Variants in KIF19 observed in about 807,000 individuals in gnomAD.
KIF19 encodes kinesin family member 19, also known as kinesin-like protein KIF19.
A neutral mutation model predicts 106.6 loss-of-function variants in KIF19; 98 were observed. The observed-to-expected ratio is 0.92, with a 90% confidence interval of 0.78 to 1.09. KIF19 has a LOEUF of 1.09. Among genes scored for constraint, KIF19 ranks in the 50% least tolerant of loss-of-function variants. The probability of loss-of-function intolerance (pLI) is 0.00; values close to 1 mark genes in which losing one functional copy is unlikely to be tolerated. For missense variants in KIF19, 1,373 were observed against 1,414.3 expected (o/e 0.97, Z 0.47); for synonymous variants, 516 against 584.2 (o/e 0.88, Z 1.68).
intron 6 of KIF19, 99 bp downstream of exon 6, chr17:74,344,447 G>C: frequency 2.0e-6 from 3 of 1,511,432 alleles, no homozygotes; most frequent in Non-Finnish European, 2.7e-6. Flanking sequence ...CTCCCCACTC[G>C]GCTGAGGCTG....
In KIF19 at chr17:74,354,477, G is replaced by C; in HGVS notation, c.2624G>C (p.Ser875Thr). The change falls in exon 18 of 20, where the codon AGC becomes ACC. Residue 875 changes from serine (S) to threonine (T), a missense_variant. Transcript: ENST00000389916. ...CCCTGGCTGCGTGGCCAGAAGAAAA[G>C]CCTGGGCAAGAAAAGGGAGGAGTCG... Reference protein sequence around the residue: ...PRPWLRGQKKSLGKKREESLE... With the variant: ...PRPWLRGQKKTLGKKREESLE... The C allele has an allele frequency of 6.2e-7, 1 of 1,608,494 alleles. No homozygotes were observed. Among genetic ancestry groups the C allele is most frequent in the Non-Finnish European group, 8.5e-7 (1 of 1,177,994 alleles).
At position 74,355,539 on chromosome 17, in the gene KIF19, G is replaced by A. The variant is rs998332507; in HGVS notation, c.*227G>A. The A allele has an allele frequency of 5.9e-6, 3 of 511,242 alleles. No homozygotes were observed. The highest frequency in any genetic ancestry group is 1.9e-5 in the African/African-American group (1 of 51,818). 31.7% of individuals were successfully genotyped at this position (511,242 alleles called of 1,614,324 possible). A position where few individuals can be genotyped will look rare whatever the true frequency, so the allele number is the denominator to read the frequency against. On this transcript the variant is annotated 3_prime_UTR_variant, in exon 20 of 20. Coordinates refer to ENST00000389916, the MANE Select transcript of KIF19 (RefSeq NM_153209.4). ...CCAGGGGACATGGCCAGGACGGCTG[G>A]GCTCCCTGGCTTCCCAGCCCTGGAC...
At chr17:74,328,843 T>G in intron 2 of KIF19, 1 of 190,678 alleles carries the variant, frequency 5.2e-6, no homozygotes, top group Non-Finnish European at 1.1e-5. Flanking sequence ...AGCTCGCCTC[T>G]AGGGTGTAAC....
chr17:74,334,380 C>A (rs1401589773), intron 2 of KIF19, among the ~76,000 whole-genome samples: 2 of 152,152 alleles, frequency 1.3e-5, no homozygotes, highest in African/African-American at 2.4e-5. Context: ...TGAGAATCTG[C>A]ATTTTATAAG....
At chr17:74,345,869 C>T (rs1208911300) in intron 7 of KIF19, among the ~76,000 whole-genome samples, 1 of 152,128 alleles carries the variant, frequency 6.6e-6, no homozygotes, top group African/African-American at 2.4e-5. Flanking sequence ...GAGCTGGTCC[C>T]GGCTTCTCCA....
chr17:74,348,880 C>A, intron 9 of KIF19: 1 of 410,648 alleles, frequency 2.4e-6, no homozygotes, highest in Non-Finnish European at 4.4e-6. Context: ...CAGGACAGGT[C>A]TTCAACTGGA....
chr17:74,332,862 G>A (rs180943103), intron 2 of KIF19, among the ~76,000 whole-genome samples: 6 of 152,296 alleles, frequency 3.9e-5, no homozygotes, highest in African/African-American at 1.4e-4. Context: ...TGTCCTGGTC[G>A]CATACTGGTG....
intron 9 of KIF19, chr17:74,348,601 C>T (rs1043734415): frequency 6.2e-6 from 1 of 160,606 alleles, no homozygotes; most frequent in Middle Eastern, 5.2e-4. Flanking sequence ...TTTATTCCAA[C>T]CCCTCAATGG....
chr17:74,333,485 C>T (rs111590335), intron 2 of KIF19, among the ~76,000 whole-genome samples: 3,090 of 151,464 alleles, frequency 0.02, 103 homozygotes, highest in African/African-American at 0.071. Context: ...GTCTCAGTCT[C>T]CCAAGTAGCT....
chr17:74,332,218 G>GTT (rs1555619606), intron 2 of KIF19, among the ~76,000 whole-genome samples: 438 of 110,692 alleles, frequency 4.0e-3, no homozygotes, highest in South Asian at 7.8e-3. Context: ...GTTTGTGTGT[G>GTT]TGTGTGTGTG....
rs371257733 is a variant in KIF19 at position 74,349,255 on chromosome 17, C to G, written c.1119C>G (p.Gly373=). ...CCAGCATCATCGCTGACCTGCGGGGCGAGATCCAGCGACTCAAGCGCAAGA... is the reference window on the plus strand; with the variant it reads ...CCAGCATCATCGCTGACCTGCGGGGGGAGATCCAGCGACTCAAGCGCAAGA... ...QYTSIIADLR[G]EIQRLKRKID... is the part of the protein sequence containing the mutation. The change falls in exon 10 of 20, where the codon GGC becomes GGG. Residue 373 remains glycine, a synonymous_variant. Transcript: ENST00000389916. The G allele has an allele frequency of 3.1e-6, 5 of 1,613,366 alleles. No homozygotes were observed. The African/African-American group carries it at 6.7e-5, about 22-fold the overall frequency.
At position 74,352,075 on chromosome 17, in the gene KIF19, G is replaced by C; in HGVS notation, c.1796G>C (p.Arg599Pro). 1 of 1,592,204 alleles carries C rather than the reference G, an allele frequency of 6.3e-7. No homozygotes were observed. Among genetic ancestry groups the C allele is most frequent in the Non-Finnish European group, 8.5e-7 (1 of 1,172,444 alleles). Residue 599 changes from arginine to proline, a missense_variant, in exon 13 of 20, where the codon CGC (arginine) becomes CCC (proline). Arg to Pro is a moderately radical substitution (Grantham distance 103). Coordinates refer to ENST00000389916, the MANE Select transcript of KIF19 (RefSeq NM_153209.4). ...ALRHRHEAVRRLEQHRSLCDE... is the reference protein window; with the variant it reads ...ALRHRHEAVRPLEQHRSLCDE... ...CGCCACCGCCACGAGGCCGTGCGCC[G>C]CCTGGAGCAGCACCGCAGTCTCTGC... is the stretch of plus-strand genomic sequence containing the variant.
chr17:74,329,139 A>G (rs2054001197), intron 2 of KIF19: 1 of 152,276 alleles, frequency 6.6e-6, no homozygotes, highest in South Asian at 2.1e-4. Flanking sequence ...GAGAGTAGGT[A>G]AGAAGGGGAT....
Position 74,344,807 on chromosome 17 carries a change from C to T in KIF19, c.629C>T (p.Pro210Leu), listed in dbSNP as rs776277390. Residue 210 changes from proline to leucine, a missense_variant, in exon 7 of 20, where the codon CCC becomes CTC. Transcript: ENST00000389916. ...GGGAACCGGCAGAGGACCCAGGAGC[C>T]CACGGCCGCCAACCAGACGTCCTCC... is the stretch of plus-strand genomic sequence containing the variant. Reference protein sequence around the residue: ...MKGNRQRTQEPTAANQTSSRS... With the variant: ...MKGNRQRTQELTAANQTSSRS... The T allele has an allele frequency of 3.7e-6, 6 of 1,611,756 alleles. No homozygotes were observed. The East Asian group carries it at 6.7e-5, about 18-fold the overall frequency.
chr17:74,342,608 T>C, intron 3 of KIF19, 22 bp from the exon 4 acceptor site: 1 of 1,603,954 alleles, frequency 6.2e-7, no homozygotes, highest in South Asian at 1.1e-5. Flanking sequence ...TCCCGGCCCC[T>C]GACAGGCTTC....
At chr17:74,347,462 G>A (rs1187398853) in intron 8 of KIF19, among the ~76,000 whole-genome samples, 1 of 151,956 alleles carries the variant, frequency 6.6e-6, no homozygotes, top group Admixed American at 6.6e-5. Context: ...GCTTGGACCT[G>A]GGAGGTGGAG....
intron 2 of KIF19, among the ~76,000 whole-genome samples, chr17:74,334,754 A>G (rs936143633): frequency 1.1e-4 from 17 of 152,156 alleles, no homozygotes; most frequent in Non-Finnish European, 1.3e-4. Flanking sequence ...AAACAAACAA[A>G]CAAACAGAAA....
intron 4 of KIF19, 105 bp from the exon 5 acceptor site, chr17:74,342,919 A>T: frequency 7.3e-7 from 1 of 1,374,530 alleles, no homozygotes; most frequent in Non-Finnish European, 9.8e-7. Flanking sequence ...TGGCCCTCTG[A>T]GAGGGCCCAG....
intron 3 of KIF19, 91 bp downstream of exon 3, chr17:74,342,077 A>G: frequency 4.5e-6 from 4 of 896,728 alleles, no homozygotes; most frequent in Non-Finnish European, 5.3e-6. Context: ...CCTGCCTTTG[A>G]ACCTCAGCCT....
Sources: allele counts gnomAD v4.1 joint callset (sites outside exome capture counted in the v4.1 genomes callset), GRCh38; gene constraint gnomAD v4.1.1; transcripts MANE v1.5; gene names NCBI Gene and HGNC (gene_info 2026-07-23, HGNC 2026-07-21).